PDE4D: variants seen among roughly 807,000 people sequenced by gnomAD.
PDE4D encodes phosphodiesterase 4D, also known as 3',5'-cyclic-AMP phosphodiesterase 4D.
PDE4D carries 24 observed loss-of-function variants against 87.4 expected under a neutral mutation model. The observed-to-expected ratio is 0.27, with a 90% CI of 0.20 to 0.39. The LOEUF (loss-of-function observed/expected upper bound fraction) is 0.39, where lower values mean the gene tolerates loss of function less well. PDE4D is among the 10% of genes least tolerant of loss of function. The pLI, the probability that PDE4D is intolerant of heterozygous loss-of-function variation, is 1.00. For synonymous variants in PDE4D, 384 were observed against 383.2 expected (o/e 1.00, Z -0.02); for missense variants, 714 against 1,041.0 (o/e 0.69, Z 4.32).
At chr5:60,253,884 A>G (rs1748749909) in intron 1 of PDE4D, among the ~76,000 whole-genome samples, 1 of 151,910 alleles carries the variant, frequency 6.6e-6, no homozygotes, top group African/African-American at 2.4e-5. Context: ...GAGTAAAGGG[A>G]ACCTGATTCA....
chr5:59,974,815 T>G (rs974699492), intron 3 of PDE4D, among the ~76,000 whole-genome samples: 2 of 152,148 alleles, frequency 1.3e-5, no homozygotes, highest in African/African-American at 4.8e-5. Context: ...CTGTCTATCC[T>G]CCCATTCTCA....
chr5:59,672,267 G>A (rs1378314188), intron 1 of PDE4D, among the ~76,000 whole-genome samples: 1 of 152,184 alleles, frequency 6.6e-6, no homozygotes, highest in Non-Finnish European at 1.5e-5. Context: ...GTTGGAGAAA[G>A]TGAAGAGAGG....
chr5:59,260,161 T>C (rs1485796083), intron 1 of PDE4D, among the ~76,000 whole-genome samples: 1 of 151,826 alleles, frequency 6.6e-6, no homozygotes, highest in Non-Finnish European at 1.5e-5. Flanking sequence ...TGGTTCCCAT[T>C]CTGAATTTGG....
intron 1 of PDE4D, among the ~76,000 whole-genome samples, chr5:60,387,745 C>G (rs1164726143): frequency 6.6e-6 from 1 of 152,144 alleles, no homozygotes; most frequent in African/African-American, 2.4e-5. Flanking sequence ...ACAGAAGAAG[C>G]CTTCTGTTAC....
intron 1 of PDE4D, among the ~76,000 whole-genome samples, chr5:60,478,896 C>A (rs554291554): frequency 7.2e-5 from 11 of 152,248 alleles, no homozygotes; most frequent in South Asian, 4.2e-4. Context: ...AGAAAGTGAA[C>A]CAAATCGAGA....
At chr5:60,356,198 C>A (rs1011483143) in intron 1 of PDE4D, among the ~76,000 whole-genome samples, 7 of 152,144 alleles carry the variant, frequency 4.6e-5, no homozygotes, top group Admixed American at 4.6e-4. Flanking sequence ...CCAGGAACTT[C>A]AGCATTACAT....
intron 1 of PDE4D, among the ~76,000 whole-genome samples, chr5:59,854,361 C>T (rs993286319): frequency 6.6e-6 from 1 of 151,922 alleles, no homozygotes; most frequent in Non-Finnish European, 1.5e-5. Flanking sequence ...CTTGTAAAAC[C>T]TGTTTCTATG....
intron 1 of PDE4D, among the ~76,000 whole-genome samples, chr5:60,500,788 C>A (rs533539048): frequency 6.6e-6 from 1 of 152,214 alleles, no homozygotes; most frequent in Admixed American, 6.5e-5. Flanking sequence ...GTTGATGAGA[C>A]TTAAAGATAA....
chr5:59,991,935 T>C (rs1378097196), intron 2 of PDE4D, among the ~76,000 whole-genome samples: 1 of 152,128 alleles, frequency 6.6e-6, no homozygotes, highest in African/African-American at 2.4e-5. Context: ...CAAAGAAGAT[T>C]AACATTTCAG....
chr5:59,817,733 C>A (rs1020607356), intron 1 of PDE4D, among the ~76,000 whole-genome samples: 2 of 147,904 alleles, frequency 1.4e-5, no homozygotes, highest in Admixed American at 6.8e-5. Context: ...CGCGCGCGCA[C>A]ACACCCACAC....
rs548924555 is a variant in PDE4D at position 59,366,460 on chromosome 5, C to T, written c.456-150492G>A. On this transcript the variant is annotated intron_variant, in intron 1 of 14. Transcript: ENST00000340635. The stretch of plus-strand genomic sequence containing the variant: ...TACCCATTTAATTGATAAAAGCTAT[C>T]AACCATGAAGTTTTATTCCAGGTTA... Among the ~76,000 whole-genome samples the T allele has an allele frequency of 2.0e-5, 3 of 152,228 alleles. No individual in the cohort carries two copies. In the Middle Eastern group the frequency reaches 0.01, roughly 518 times the overall value.
intron 2 of PDE4D, among the ~76,000 whole-genome samples, chr5:60,173,653 A>G (rs1783670993): frequency 6.6e-6 from 1 of 152,132 alleles, no homozygotes; most frequent in African/African-American, 2.4e-5. Flanking sequence ...GTGAAAAGAC[A>G]TAGATTCAAA....
chr5:59,157,988 G>C (rs759940078), intron 5 of PDE4D, among the ~76,000 whole-genome samples: 1 of 152,216 alleles, frequency 6.6e-6, no homozygotes, highest in Non-Finnish European at 1.5e-5. Context: ...ATTTGCGTGA[G>C]TGGCTCTCCA....
intron 1 of PDE4D, among the ~76,000 whole-genome samples, chr5:60,237,307 G>A (rs375913373): frequency 1.1e-4 from 17 of 152,076 alleles, no homozygotes; most frequent in African/African-American, 3.4e-4. Context: ...AATTATGATC[G>A]CAGCAAAACT....
chr5:60,503,506 C>A (rs1750190183), intron 1 of PDE4D, among the ~76,000 whole-genome samples: 1 of 152,098 alleles, frequency 6.6e-6, no homozygotes, highest in South Asian at 2.1e-4. Context: ...GTATTCCTTG[C>A]ATTTATATTT....
chr5:59,367,637 C>T (rs1783276885), intron 1 of PDE4D, among the ~76,000 whole-genome samples: 2 of 152,138 alleles, frequency 1.3e-5, no homozygotes, highest in Admixed American at 6.6e-5. Flanking sequence ...AGAGAGAAGT[C>T]CTGAGAAGCC....
chr5:60,415,318 T>C (rs888300384), intron 1 of PDE4D, among the ~76,000 whole-genome samples: 4 of 152,248 alleles, frequency 2.6e-5, no homozygotes, highest in African/African-American at 9.6e-5. Flanking sequence ...CCTTGCTGGC[T>C]CTCAGCGCCT....
intron 5 of PDE4D, among the ~76,000 whole-genome samples, chr5:59,056,144 A>T (rs1469430899): frequency 6.6e-6 from 1 of 152,130 alleles, no homozygotes; most frequent in Non-Finnish European, 1.5e-5. Flanking sequence ...GCTGGGATAG[A>T]GGGAATAGCG....
intron 1 of PDE4D, among the ~76,000 whole-genome samples, chr5:59,510,266 A>G (rs1810066470): frequency 6.6e-6 from 1 of 151,520 alleles, no homozygotes; most frequent in Non-Finnish European, 1.5e-5. Context: ...CTGTATTAGA[A>G]ATAAAGGCTA....
Sources: allele counts gnomAD v4.1 joint callset (sites outside exome capture counted in the v4.1 genomes callset), GRCh38; gene constraint gnomAD v4.1.1; transcripts MANE v1.5; gene names NCBI Gene and HGNC (gene_info 2026-07-23, HGNC 2026-07-21).